ARHGEF15: variants seen among roughly 807,000 people sequenced by gnomAD.
The protein encoded by ARHGEF15 is Rho guanine nucleotide exchange factor (GEF) 15.
Under a neutral mutation model 79.7 loss-of-function variants are expected in ARHGEF15, and 58 were observed. The observed-to-expected ratio is 0.73, with a 90% confidence interval of 0.59 to 0.91. The LOEUF is 0.91. ARHGEF15 is among the 40% of genes least tolerant of loss of function. ARHGEF15 has a pLI of 0.00. For missense variants in ARHGEF15, 1,012 were observed against 1,108.1 expected (o/e 0.91, Z 1.23); for synonymous variants, 442 against 456.0 (o/e 0.97, Z 0.39).
In ARHGEF15 at chr17:8,312,993, T is replaced by C; in HGVS notation, c.673T>C (p.Trp225Arg). 6.2e-7 allele frequency: 1 copy of C among 1,609,884 alleles called. No homozygotes were observed. Among genetic ancestry groups the C allele is most frequent in the South Asian group, 1.1e-5 (1 of 90,750 alleles). Residue 225 changes from tryptophan to arginine, a missense_variant, in exon 3 of 16, where the codon TGG (tryptophan) becomes CGG (arginine). This residue lies in a region of ARHGEF15 where 818 missense variants were observed against 882.5 expected (regional missense o/e 0.93). Coordinates refer to ENST00000361926, the MANE Select transcript of ARHGEF15 (RefSeq NM_173728.4). ...HTTRPGLELR[W>R]VPVGGYEEVP... The stretch of plus-strand genomic sequence containing the variant: ...CACCCGGCCTGGCCTGGAGCTCAGA[T>C]GGGTGCCTGTGGGGGGCTATGAGGA...
In ARHGEF15 at chr17:8,315,292, TGGGAGATGGGAGGG is replaced by T; in HGVS notation, c.1260+19_1260+32del. On this transcript the variant is annotated intron_variant, in intron 6 of 15. Transcript: ENST00000361926. The surrounding 1 kb of genome is among the most constrained non-coding windows in gnomAD (Gnocchi z 4.3). Reference sequence around the variant, plus strand: ...GCATGCAGGAGGTGGGAGCTGGAGGTGGGAGATGGGAGGGGGGTGCTGGGGTTGGGCTGCATGGG... The same window carrying T: ...GCATGCAGGAGGTGGGAGCTGGAGGTGGGTGCTGGGGTTGGGCTGCATGGG... 6.2e-7 allele frequency: 1 copy of T among 1,609,592 alleles called. No individual in the cohort carries two copies. The highest frequency in any genetic ancestry group is 8.5e-7 in the Non-Finnish European group (1 of 1,178,660).
At chr17:8,311,890 C>A in intron 1 of ARHGEF15, 101 bp from the exon 2 acceptor site, 2 of 723,740 alleles carry the variant, frequency 2.8e-6, no homozygotes, top group South Asian at 4.2e-5. Flanking sequence ...ACCCCCACAC[C>A]AGCCTTCCCT....
Position 8,322,419 on chromosome 17 carries a change from G to A in ARHGEF15, c.*1426G>A, listed in dbSNP as rs747241727. ...CTCCGGGAGACTCAGAGGGCGAAGA[G>A]CACTGGCATTTGGCATGTCCATGAC... On this transcript the variant is annotated 3_prime_UTR_variant, in exon 16 of 16. Coordinates refer to ENST00000361926, the MANE Select transcript of ARHGEF15 (RefSeq NM_173728.4). The A allele has an allele frequency of 2.6e-5, 4 of 152,410 alleles. No individual in the cohort carries two copies. The highest frequency in any genetic ancestry group is 4.4e-5 in the Non-Finnish European group (3 of 68,146). The allele number at this position is 152,410 out of a possible 1,614,324, so 9.4% of individuals were successfully genotyped here.
At position 8,315,900 on chromosome 17, in the gene ARHGEF15, C is replaced by T. The variant is rs1400883593; in HGVS notation, c.1567C>T (p.Arg523Cys). 1.9e-6 allele frequency: 3 copies of T among 1,609,240 alleles called. No homozygotes were observed. Among genetic ancestry groups the T allele is most frequent in the East Asian group, 4.5e-5 (2 of 44,870 alleles). ...NQQYQEETYS[R>C]LMDTNVRFSA... The stretch of plus-strand genomic sequence containing the variant: ...GCAGTATCAGGAGGAGACCTACAGC[C>T]GCCTCATGTGAGTGTCCCAGGGGTG... The change falls in exon 8 of 16, where the codon CGC becomes TGC. Residue 523 changes from arginine to cysteine, a missense_variant. Arg to Cys is a radical substitution (Grantham distance 180). Transcript: ENST00000361926. The surrounding 1 kb of genome is among the most constrained non-coding windows in gnomAD (Gnocchi z 4.3).
Position 8,312,070 on chromosome 17 carries a change from C to CGGG in ARHGEF15, c.31_32insGGG (p.Pro11delinsArgAla). ...AGCCCAGTCCCTTCCTGCAGCAACA[C>CGGG]CCCCCACGCAGAAGCCCCCTCGGAT... On this transcript the variant is annotated protein_altering_variant, in exon 2 of 16. Coordinates refer to ENST00000361926, the MANE Select transcript of ARHGEF15 (RefSeq NM_173728.4). The CGGG allele has an allele frequency of 7.9e-7, 1 of 1,265,100 alleles. No individual in the cohort carries two copies. The highest frequency in any genetic ancestry group is 1.1e-6 in the Non-Finnish European group (1 of 947,202). The allele number at this position is 1,265,100 out of a possible 1,614,324, so 78.4% of individuals were successfully genotyped here. A position where few individuals can be genotyped will look rare whatever the true frequency, so the allele number is the denominator to read the frequency against.
intron 1 of ARHGEF15, 40 bp from the exon 2 acceptor site, chr17:8,311,951 G>A (rs917631369): frequency 1.3e-5 from 18 of 1,364,986 alleles, no homozygotes; most frequent in African/African-American, 9.0e-5. Context: ...CCTCCCTGTG[G>A]GGCACTAAGG....
Position 8,320,841 on chromosome 17 carries a change from G to C in ARHGEF15, c.2375-1G>C. 6 of 1,612,262 alleles carry C rather than the reference G, an allele frequency of 3.7e-6. No homozygotes were observed. Among genetic ancestry groups the C allele is most frequent in the Non-Finnish European group, 5.1e-6 (6 of 1,179,754 alleles). On this transcript the variant is annotated splice_acceptor_variant, in intron 15 of 15. Coordinates refer to ENST00000361926, the MANE Select transcript of ARHGEF15 (RefSeq NM_173728.4). LOFTEE classifies it high-confidence loss of function. ...TGGAGCCTCTGTCTCTCTTCCCCCA[G>C]GTTGGCTGAAGGGGCTTCCTGGGGC... is the stretch of plus-strand genomic sequence containing the variant.
In ARHGEF15 at chr17:8,322,320, G is replaced by A. The variant is rs1905437791; in HGVS notation, c.*1327G>A. On this transcript the variant is annotated 3_prime_UTR_variant, in exon 16 of 16. Coordinates refer to ENST00000361926, the MANE Select transcript of ARHGEF15 (RefSeq NM_173728.4). ...CAGGGGGGCCCAGGCCCGGGACGAG[G>A]CCTCCCCTTCAGCTCAGGCACAGCA... is the stretch of plus-strand genomic sequence containing the variant. 6.6e-6 allele frequency: 1 copy of A among 152,438 alleles called. No homozygotes were observed. The highest frequency in any genetic ancestry group is 2.4e-5 in the African/African-American group (1 of 41,480). 9.4% of individuals were successfully genotyped at this position (152,438 alleles called of 1,614,324 possible).
At chr17:8,310,957 G>A (rs1904572339) in intron 1 of ARHGEF15, 1 of 152,204 alleles carries the variant, frequency 6.6e-6, no homozygotes, top group Non-Finnish European at 1.5e-5. Context: ...ATCCCTGAGG[G>A]GCAGGGGCTG....
In ARHGEF15 at chr17:8,318,653, C is replaced by T. The variant is rs1905181314; in HGVS notation, c.1863C>T (p.His621=). Residue 621 remains histidine (H), a synonymous_variant, in exon 11 of 16, where the codon CAC becomes CAT. Transcript: ENST00000361926. This position sits in a 1 kb window ranked among gnomAD's most constrained non-coding sequence, Gnocchi z 5.0. ...GGCTCACCCAAAGGCTGCGCTTCCA[C>T]AAAGTCAAGGTACATCGCTGCCCAG... ...LIRLTQRLRF[H]KVKALPLVSW... is the part of the protein sequence containing the mutation. 2 of 1,613,368 alleles carry T rather than the reference C, an allele frequency of 1.2e-6. No individual in the cohort carries two copies. The highest frequency in any genetic ancestry group is 1.7e-6 in the Non-Finnish European group (2 of 1,179,452).
At position 8,313,553 on chromosome 17, in the gene ARHGEF15, G is replaced by A. The variant is rs1904811564; in HGVS notation, c.987G>A (p.Gly329=). Residue 329 remains glycine (G), a splice_region_variant and synonymous_variant, in exon 4 of 16, where the codon GGG becomes GGA. Transcript: ENST00000361926. ...PQNTPPATVE[G]REEEGLEVLK... is the part of the protein sequence containing the mutation. Reference sequence around the variant, plus strand: ...ATACTCCTCCAGCAACTGTGGAGGGGAGGTACTGAACACCCCCACCCCTAC... The same window carrying A: ...ATACTCCTCCAGCAACTGTGGAGGGAAGGTACTGAACACCCCCACCCCTAC... The A allele has an allele frequency of 6.2e-7, 1 of 1,613,342 alleles. No homozygotes were observed. The highest frequency in any genetic ancestry group is 1.3e-5 in the African/African-American group (1 of 74,818).
In ARHGEF15 at chr17:8,312,168, AC is replaced by A; in HGVS notation, c.130del (p.Gln44LysfsTer138). ...PGPPHNGSSP[Q>X]ELPRNSNDAP... Reference sequence around the variant, plus strand: ...GGCCTCCCCACAATGGCTCCTCTCCACAAGAACTACCCCGAAACTCCAATGA... The same window carrying A: ...GGCCTCCCCACAATGGCTCCTCTCCAAAGAACTACCCCGAAACTCCAATGA... On this transcript the variant is annotated frameshift_variant, in exon 2 of 16. Coordinates refer to ENST00000361926, the MANE Select transcript of ARHGEF15 (RefSeq NM_173728.4). LOFTEE classifies it high-confidence loss of function. 1 of 1,551,834 alleles carries A rather than the reference AC, an allele frequency of 6.4e-7. No homozygotes were observed. Among genetic ancestry groups the A allele is most frequent in the Non-Finnish European group, 8.7e-7 (1 of 1,146,984 alleles).
intron 9 of ARHGEF15, among the ~76,000 whole-genome samples, chr17:8,316,381 G>C (rs915513722): frequency 6.6e-6 from 1 of 152,208 alleles, no homozygotes; most frequent in East Asian, 1.9e-4. Flanking sequence ...GCAGGGAAAG[G>C]CCCTCTGGCT....
At position 8,315,309 on chromosome 17, in the gene ARHGEF15, G is replaced by T. The variant is rs377444196; in HGVS notation, c.1260+32G>T. On this transcript the variant is annotated intron_variant, in intron 6 of 15. Transcript: ENST00000361926. The surrounding 1 kb of genome is among the most constrained non-coding windows in gnomAD (Gnocchi z 4.3). ...GCTGGAGGTGGGAGATGGGAGGGGG[G>T]TGCTGGGGTTGGGCTGCATGGGTCA... 8 of 1,611,542 alleles carry T rather than the reference G, an allele frequency of 5.0e-6. No individual in the cohort carries two copies. Among genetic ancestry groups the T allele is most frequent in the African/African-American group, 2.7e-5 (2 of 74,868 alleles).
In ARHGEF15 at chr17:8,318,822, G is replaced by C. The variant is rs775161160; in HGVS notation, c.1945G>C (p.Gly649Arg). ...GCTGACTGAGTTAGGGTGCCGGAGGGGGGGCGTGCTCTTTGCCTCGCGCCC... is the reference window on the plus strand; with the variant it reads ...GCTGACTGAGTTAGGGTGCCGGAGGCGGGGCGTGCTCTTTGCCTCGCGCCC... ...GELTELGCRRGGVLFASRPRF... is the reference protein window; with the variant it reads ...GELTELGCRRRGVLFASRPRF... Residue 649 changes from glycine (G) to arginine (R), a missense_variant, in exon 12 of 16, where the codon GGG becomes CGG. Transcript: ENST00000361926. This position sits in a 1 kb window ranked among gnomAD's most constrained non-coding sequence, Gnocchi z 5.0. The C allele has an allele frequency of 6.0e-5, 97 of 1,613,550 alleles. No individual in the cohort carries two copies. The highest frequency in any genetic ancestry group is 1.6e-4 in the Middle Eastern group (1 of 6,084).
chr17:8,315,349 G>T lies in ARHGEF15; in HGVS notation c.1261-65G>T. On this transcript the variant is annotated intron_variant, in intron 6 of 15. Transcript: ENST00000361926. This position sits in a 1 kb window ranked among gnomAD's most constrained non-coding sequence, Gnocchi z 4.3. ...TGCATGGGTCAGGCATAGGGGAGGA[G>T]GGCCCAGGGTCCTAGCTTCCCACGG... The T allele has an allele frequency of 6.2e-7, 1 of 1,611,504 alleles. No individual in the cohort carries two copies. Among genetic ancestry groups the T allele is most frequent in the Non-Finnish European group, 8.5e-7 (1 of 1,178,428 alleles).
At chr17:8,320,468 G>A (rs1054186023) in intron 15 of ARHGEF15, among the ~76,000 whole-genome samples, 3 of 152,074 alleles carry the variant, frequency 2.0e-5, no homozygotes, top group Admixed American at 6.6e-5. Flanking sequence ...AAGGCCCTGC[G>A]GCTGGTGTGT....
chr17:8,319,756 C>T lies in ARHGEF15; in HGVS notation c.2374+153C>T, dbSNP rs187444487. 3.3e-3 allele frequency among the ~76,000 whole-genome samples: 506 copies of T among 152,318 alleles called. 3 individuals carry two copies. Among genetic ancestry groups the T allele is most frequent in the Non-Finnish European group, 4.8e-3 (328 of 68,042 alleles). On this transcript the variant is annotated intron_variant, in intron 15 of 15. Coordinates refer to ENST00000361926, the MANE Select transcript of ARHGEF15 (RefSeq NM_173728.4). ...GTTCAAGGGATTCTCCTGCCTCAACCTCCCAAGTAGCTGAGATTACAGGTG... is the reference window on the plus strand; with the variant it reads ...GTTCAAGGGATTCTCCTGCCTCAACTTCCCAAGTAGCTGAGATTACAGGTG...
Position 8,316,160 on chromosome 17 carries a change from A to ATGCTGCTGCAGGTACCTGTCCCG in ARHGEF15, c.1704+12_1704+13insTGCTGCTGCAGGTACCTGTCCCG. 2 of 1,597,776 alleles carry ATGCTGCTGCAGGTACCTGTCCCG rather than the reference A, an allele frequency of 1.3e-6. No individual in the cohort carries two copies. The highest frequency in any genetic ancestry group is 2.2e-5 in the South Asian group (2 of 90,254). On this transcript the variant is annotated intron_variant, in intron 9 of 15. Transcript: ENST00000361926. ...GCATGCTGCTGCAGGTACCTGTCCC[A>ATGCTGCTGCAGGTACCTGTCCCG]GCTGCGGCCGTTTCTGCCCCACCAA...
Sources: allele counts gnomAD v4.1 joint callset (sites outside exome capture counted in the v4.1 genomes callset), GRCh38; gene constraint gnomAD v4.1.1; regional missense constraint gnomAD v4.1.1; non-coding constraint Gnocchi (gnomAD v3.1); transcripts MANE v1.5; gene names NCBI Gene and HGNC (gene_info 2026-07-23, HGNC 2026-07-21).